WWC2: variants seen among roughly 807,000 people sequenced by gnomAD.
WWC2 encodes protein WWC2.
In WWC2, 101 loss-of-function variants were observed where a neutral mutation model predicts 138.5. The observed-to-expected ratio is 0.73, with a 90% CI of 0.62 to 0.86. The LOEUF (loss-of-function observed/expected upper bound fraction) is 0.86. Among genes scored for constraint, WWC2 ranks in the 40% least tolerant of loss-of-function variants. WWC2 has a pLI of 0.00. For missense variants in WWC2, 1,420 were observed against 1,419.4 expected (o/e 1.00, Z -0.01); for synonymous variants, 558 against 538.4 (o/e 1.04, Z -0.50).
intron 21 of WWC2, among the ~76,000 whole-genome samples, chr4:183,296,928 C>T (rs549248039): frequency 2.6e-4 from 22 of 83,028 alleles, no homozygotes; most frequent in African/African-American, 8.1e-4. Context: ...AGCGAGACTC[C>T]GTCTCAAAAA....
At chr4:183,140,504 T>G (rs918129387) in intron 1 of WWC2, among the ~76,000 whole-genome samples, 1 of 152,192 alleles carries the variant, frequency 6.6e-6, no homozygotes, top group African/African-American at 2.4e-5. Context: ...GTGCTGCCAA[T>G]AGATAAAGAC....
intron 9 of WWC2, among the ~76,000 whole-genome samples, chr4:183,258,265 T>C (rs1560871054): frequency 6.6e-6 from 1 of 152,340 alleles, no homozygotes; most frequent in East Asian, 1.9e-4. Flanking sequence ...GTTGAGTTTT[T>C]ATTTATATTT....
Position 183,261,493 on chromosome 4 carries a change from A to T in WWC2, c.1870A>T (p.Asn624Tyr). The T allele has an allele frequency of 6.2e-7, 1 of 1,612,878 alleles. No individual in the cohort carries two copies. Among genetic ancestry groups the T allele is most frequent in the East Asian group, 2.2e-5 (1 of 44,866 alleles). Residue 624 changes from asparagine (N) to tyrosine (Y), a missense_variant, in exon 11 of 23, where the codon AAT becomes TAT. Coordinates refer to ENST00000403733, the MANE Select transcript of WWC2 (RefSeq NM_024949.6). Reference protein sequence around the residue: ...SQSLSEDKDLNECAREPLYEG... With the variant: ...SQSLSEDKDLYECAREPLYEG... The stretch of plus-strand genomic sequence containing the variant: ...GTCTCTTTCAGAGGATAAAGACCTT[A>T]ATGAATGTGCTAGGGAGCCATTATA...
intron 22 of WWC2, among the ~76,000 whole-genome samples, chr4:183,313,348 A>G (rs879825753): frequency 6.6e-6 from 1 of 152,144 alleles, no homozygotes; most frequent in Non-Finnish European, 1.5e-5. Flanking sequence ...TATGTAGGGC[A>G]GATATCAGAG....
chr4:183,250,647 C>T (rs1438242623), intron 8 of WWC2, among the ~76,000 whole-genome samples: 2 of 152,042 alleles, frequency 1.3e-5, no homozygotes, highest in Non-Finnish European at 2.9e-5. Context: ...AGTAGATAGA[C>T]TCAAATACTT....
In WWC2 at chr4:183,145,104, A is replaced by G. The variant is rs145076158; in HGVS notation, c.131+45482A>G. On this transcript the variant is annotated intron_variant, in intron 1 of 22. Transcript: ENST00000403733. ...TTAGCAACTGCAGTTGGGAAGTAGC[A>G]TGGCCTATGGTTGAGGCTATGGTTT... Among the ~76,000 whole-genome samples the G allele has an allele frequency of 1.4e-3, 216 of 152,330 alleles. 1 individual carries two copies. The highest frequency in any genetic ancestry group is 4.9e-3 in the African/African-American group (203 of 41,576).
chr4:183,113,480 CTGTGTGTGTGTGTGTGTGTG>C lies in WWC2; in HGVS notation c.131+13875_131+13894del, dbSNP rs113602820. 8.3e-5 allele frequency among the ~76,000 whole-genome samples: 12 copies of C among 143,806 alleles called. No homozygotes were observed. The South Asian group carries it at 2.6e-3, about 31-fold the overall frequency. 94.3% of individuals were successfully genotyped at this position (143,806 alleles called of 152,430 possible). On this transcript the variant is annotated intron_variant, in intron 1 of 22. Coordinates refer to ENST00000403733, the MANE Select transcript of WWC2 (RefSeq NM_024949.6). ...CAATTGAACTGAGGTAAGGTGGGGC[CTGTGTGTGTGTGTGTGTGTG>C]TGTGTGTGTGTGTGTGCGCGCGCGT...
chr4:183,183,995 A>C (rs576265397), intron 1 of WWC2, among the ~76,000 whole-genome samples: 22 of 152,208 alleles, frequency 1.4e-4, no homozygotes, highest in Non-Finnish European at 2.9e-4. Context: ...TACTGAAGTG[A>C]AATTCACCTA....
At chr4:183,152,789 A>G (rs1028216296) in intron 1 of WWC2, among the ~76,000 whole-genome samples, 2 of 149,706 alleles carry the variant, frequency 1.3e-5, no homozygotes. Flanking sequence ...AGGCTGAGGC[A>G]GGAGAATCGC....
In WWC2 at chr4:183,208,945, A is replaced by G. The variant is rs1451223584; in HGVS notation, c.446-4A>G. 3 of 1,538,112 alleles carry G rather than the reference A, an allele frequency of 2.0e-6. No individual in the cohort carries two copies. Among genetic ancestry groups the G allele is most frequent in the Non-Finnish European group, 2.6e-6 (3 of 1,133,354 alleles). ...AATTAGTTTTTCTTTTTTCTCTATA[A>G]AAGTATTCTCAGGATCTTCATCCAG... is the stretch of plus-strand genomic sequence containing the variant. On this transcript the variant is annotated splice_region_variant and splice_polypyrimidine_tract_variant and intron_variant, in intron 3 of 22. Coordinates refer to ENST00000403733, the MANE Select transcript of WWC2 (RefSeq NM_024949.6).
intron 1 of WWC2, among the ~76,000 whole-genome samples, chr4:183,178,329 C>A (rs2111177852): frequency 6.6e-6 from 1 of 151,240 alleles, no homozygotes; most frequent in Admixed American, 6.6e-5. Context: ...TCACTTGAGC[C>A]CAGGAGTTTG....
intron 22 of WWC2, among the ~76,000 whole-genome samples, chr4:183,315,364 C>T (rs1457939678): frequency 1.3e-5 from 2 of 152,184 alleles, no homozygotes; most frequent in East Asian, 1.9e-4. Flanking sequence ...AAACACCCAT[C>T]CTAGACCAAA....
At chr4:183,260,522 T>A (rs529767436) in intron 10 of WWC2, among the ~76,000 whole-genome samples, 6 of 152,360 alleles carry the variant, frequency 3.9e-5, no homozygotes, top group African/African-American at 2.4e-5. Flanking sequence ...TTTTCTAGTT[T>A]AGCTATGTTT....
intron 1 of WWC2, among the ~76,000 whole-genome samples, chr4:183,172,374 G>A (rs1734314211): frequency 6.6e-6 from 1 of 152,124 alleles, no homozygotes; most frequent in Admixed American, 6.6e-5. Context: ...AGGGAGCATA[G>A]ATTTGTTGAG....
At chr4:183,163,005 A>G (rs1004910998) in intron 1 of WWC2, among the ~76,000 whole-genome samples, 4 of 152,158 alleles carry the variant, frequency 2.6e-5, no homozygotes, top group African/African-American at 9.7e-5. Context: ...GCCCTTTTAC[A>G]TGAGTGCCTA....
intron 1 of WWC2, among the ~76,000 whole-genome samples, chr4:183,161,000 A>G (rs1733947676): frequency 6.6e-6 from 1 of 152,170 alleles, no homozygotes; most frequent in South Asian, 2.1e-4. Flanking sequence ...ACTGTAAAAT[A>G]AAATCTATGC....
intron 3 of WWC2, among the ~76,000 whole-genome samples, chr4:183,208,518 G>A (rs1735507575): frequency 6.6e-6 from 1 of 152,160 alleles, no homozygotes; most frequent in Admixed American, 6.5e-5. Context: ...TACCTAGAGT[G>A]TAATTTCTGT....
At chr4:183,285,882 T>C in intron 19 of WWC2, 85 bp from the exon 20 acceptor site, 1 of 1,253,290 alleles carries the variant, frequency 8.0e-7, no homozygotes, top group African/African-American at 1.5e-5. Context: ...CTACCTGCTT[T>C]ACTTGGTAAA....
At chr4:183,214,154 C>G (rs1230556977) in intron 4 of WWC2, among the ~76,000 whole-genome samples, 1 of 151,820 alleles carries the variant, frequency 6.6e-6, no homozygotes, top group Non-Finnish European at 1.5e-5. Context: ...GAGTGAAGAA[C>G]AAAGACCCCT....
Sources: gnomAD v4.1 joint callset for allele counts (sites outside exome capture counted in the v4.1 genomes callset) on GRCh38, gnomAD v4.1.1 for gene constraint, MANE v1.5 for transcripts, NCBI Gene and HGNC (gene_info 2026-07-23, HGNC 2026-07-21) for gene names.